Variants in MGAT4C observed in about 807,000 individuals in gnomAD.
The protein encoded by MGAT4C is MGAT4 family member C.
Under a neutral mutation model 40.1 loss-of-function variants are expected in MGAT4C, and 19 were observed. That is an observed-to-expected ratio of 0.47 (90% CI 0.33 to 0.70). MGAT4C has a LOEUF of 0.70. Ranked by LOEUF, MGAT4C falls within the 30% of genes least tolerant of loss-of-function variation. The pLI is 0.02. For synonymous variants in MGAT4C, 181 were observed against 187.1 expected (o/e 0.97, Z 0.27); for missense variants, 491 against 563.2 (o/e 0.87, Z 1.30).
rs570330771 is a variant in MGAT4C, at chr12:86,630,161, G to A, written c.-229+97048C>T. Among the ~76,000 whole-genome samples, 457 of 152,124 alleles carry A rather than the reference G, an allele frequency of 3.0e-3. 2 individuals carry two copies. The highest frequency in any genetic ancestry group is 0.011 in the African/African-American group (436 of 41,490). ...TAGACTAGAAAATCTAGAAGAAATG[G>A]ATAAATTCCTCGACACATACACCCT... On this transcript the variant is annotated intron_variant, in intron 2 of 7. Coordinates refer to the MGAT4C transcript ENST00000548651.
Position 85,966,521 on chromosome 12 carries a change from C to T in MGAT4C, c.*12768G>A, listed in dbSNP as rs375909966. ...AAAATTCTTAGTTCTTTTAGAAATA[C>T]CATTTGACCCAGCCATCCCATTACT... On this transcript the variant is annotated 3_prime_UTR_variant, in exon 5 of 5. Coordinates refer to ENST00000611864, the MANE Select transcript of MGAT4C (RefSeq NM_001351288.2). 7 of 152,142 alleles carry T rather than the reference C, an allele frequency of 4.6e-5. No homozygotes were observed. Among genetic ancestry groups the T allele is most frequent in the East Asian group, 1.9e-4 (1 of 5,180 alleles). The allele number at this position is 152,142 out of a possible 1,614,324, so 9.4% of individuals were successfully genotyped here. A position where few individuals can be genotyped will look rare whatever the true frequency, so the allele number is the denominator to read the frequency against.
chr12:85,988,356 C>T (rs949215741), intron 3 of MGAT4C, among the ~76,000 whole-genome samples: 2 of 152,046 alleles, frequency 1.3e-5, no homozygotes, highest in East Asian at 1.9e-4. Context: ...ATATGGTTGA[C>T]TCATAGGATA....
chr12:86,506,107 A>C (rs1356606214), intron 2 of MGAT4C, among the ~76,000 whole-genome samples: 2 of 152,128 alleles, frequency 1.3e-5, no homozygotes, highest in Non-Finnish European at 2.9e-5. Flanking sequence ...AAAGGTTAGG[A>C]GTTTTGTCAG....
At chr12:86,451,339 C>A (rs1320880947) in intron 2 of MGAT4C, among the ~76,000 whole-genome samples, 2 of 152,144 alleles carry the variant, frequency 1.3e-5, no homozygotes, top group Admixed American at 1.3e-4. Context: ...GGAGAGGCTA[C>A]TGTGTTTCCT....
intron 2 of MGAT4C, among the ~76,000 whole-genome samples, chr12:86,540,033 C>T (rs1321974337): frequency 2.0e-5 from 3 of 152,062 alleles, no homozygotes; most frequent in Admixed American, 2.0e-4. Flanking sequence ...TAATTAGATC[C>T]CATTTGTCAA....
intron 2 of MGAT4C, among the ~76,000 whole-genome samples, chr12:86,509,848 T>C (rs1445832442): frequency 6.6e-6 from 1 of 152,216 alleles, no homozygotes; most frequent in Non-Finnish European, 1.5e-5. Flanking sequence ...TCATTCATGA[T>C]TTAGCTCTCT....
At chr12:86,481,677 T>C (rs547564149) in intron 2 of MGAT4C, among the ~76,000 whole-genome samples, 20 of 151,808 alleles carry the variant, frequency 1.3e-4, no homozygotes, top group Non-Finnish European at 2.7e-4. Flanking sequence ...TAGTTAACTA[T>C]CCAAAATGAT....
chr12:86,370,164 C>T (rs1955688040), intron 3 of MGAT4C, among the ~76,000 whole-genome samples: 1 of 151,840 alleles, frequency 6.6e-6, no homozygotes, highest in African/African-American at 2.4e-5. Flanking sequence ...TAACATTTAC[C>T]TCACTAGAAA....
rs72019715 is a variant in MGAT4C, at chr12:86,779,603, AAATAAT to A, written c.-261-52368_-261-52363del. Reference sequence around the variant, plus strand: ...GGCACCAGAGCAAGAACTTGTCTCAAAATAATAATAATAATAATAATAATAAAAGGC... The same window carrying A: ...GGCACCAGAGCAAGAACTTGTCTCAAAATAATAATAATAATAATAAAAGGC... On this transcript the variant is annotated intron_variant, in intron 1 of 7. Transcript: ENST00000548651. Among the ~76,000 whole-genome samples, 11 of 148,932 alleles carry A rather than the reference AAATAAT, an allele frequency of 7.4e-5. No individual in the cohort carries two copies. The South Asian group carries it at 8.6e-4, about 12-fold the overall frequency.
chr12:86,611,244 T>C (rs897370406), intron 2 of MGAT4C, among the ~76,000 whole-genome samples: 1 of 152,106 alleles, frequency 6.6e-6, no homozygotes, highest in Non-Finnish European at 1.5e-5. Context: ...TTTGAAATAA[T>C]TGTTATTCCA....
chr12:86,753,231 T>C (rs1054417377), intron 1 of MGAT4C, among the ~76,000 whole-genome samples: 1 of 152,072 alleles, frequency 6.6e-6, no homozygotes, highest in Non-Finnish European at 1.5e-5. Flanking sequence ...TTTACAGGAA[T>C]GAGGGCAAGG....
In MGAT4C at chr12:86,414,054, A is replaced by C. The variant is rs945133243; in HGVS notation, c.-120+21103T>G. ...TTCAAGGAAGAAATTGCTCCAGAAA[A>C]ATGCTTACAGCAAGTTTTTTTTTTC... On this transcript the variant is annotated intron_variant, in intron 3 of 7. Coordinates refer to the MGAT4C transcript ENST00000548651. Among the ~76,000 whole-genome samples, 80 of 152,142 alleles carry C rather than the reference A, an allele frequency of 5.3e-4. 1 individual carries two copies. Among genetic ancestry groups the C allele is most frequent in the African/African-American group, 1.8e-3 (74 of 41,438 alleles).
At chr12:86,248,789 AAT>A (rs1362472159) in intron 1 of MGAT4C, among the ~76,000 whole-genome samples, 2 of 152,116 alleles carry the variant, frequency 1.3e-5, no homozygotes, top group Non-Finnish European at 2.9e-5. Context: ...ATACCATCTA[AAT>A]ATATCGGAAT....
chr12:86,800,243 C>T (rs962619462), intron 1 of MGAT4C, among the ~76,000 whole-genome samples: 3 of 151,788 alleles, frequency 2.0e-5, no homozygotes, highest in Non-Finnish European at 2.9e-5. Context: ...TATATGGCTC[C>T]AACTCTCACT....
chr12:86,220,983 C>A (rs1325962012), intron 1 of MGAT4C, among the ~76,000 whole-genome samples: 3 of 152,146 alleles, frequency 2.0e-5, no homozygotes, highest in South Asian at 2.1e-4. Flanking sequence ...TATTTAAATT[C>A]TCTTGCTAAA....
intron 1 of MGAT4C, among the ~76,000 whole-genome samples, chr12:86,155,076 C>A (rs1884769326): frequency 6.6e-6 from 1 of 152,036 alleles, no homozygotes; most frequent in African/African-American, 2.4e-5. Flanking sequence ...AACAAAGGTA[C>A]AAATAGAAGA....
intron 1 of MGAT4C, among the ~76,000 whole-genome samples, chr12:86,058,689 A>G (rs76604151): frequency 5.8e-4 from 88 of 152,254 alleles, no homozygotes; most frequent in African/African-American, 2.1e-3. Context: ...CATGGTATAT[A>G]GTGTAGAAAA....
chr12:86,656,200 T>C (rs1287743377), intron 2 of MGAT4C, among the ~76,000 whole-genome samples: 1 of 152,152 alleles, frequency 6.6e-6, no homozygotes, highest in African/African-American at 2.4e-5. Context: ...CTTTCCGTGG[T>C]AAATCATAGC....
At chr12:86,660,836 A>G (rs1963963899) in intron 2 of MGAT4C, among the ~76,000 whole-genome samples, 1 of 152,152 alleles carries the variant, frequency 6.6e-6, no homozygotes, top group Non-Finnish European at 1.5e-5. Flanking sequence ...TTTATAGCAA[A>G]CCATAACATG....
Sources: gnomAD v4.1 joint callset for allele counts (sites outside exome capture counted in the v4.1 genomes callset) on GRCh38, gnomAD v4.1.1 for gene constraint, MANE v1.5 for transcripts, NCBI Gene and HGNC (gene_info 2026-07-23, HGNC 2026-07-21) for gene names.